CEP170B: variants seen among roughly 807,000 people sequenced by gnomAD.
CEP170B encodes centrosomal protein 170B, also known as centrosomal protein of 170 kDa protein B.
CEP170B carries 55 observed loss-of-function variants against 120.6 expected under a neutral mutation model. That is an observed-to-expected ratio of 0.46 (90% CI 0.37 to 0.57). CEP170B has a LOEUF of 0.57. Ranked by LOEUF, CEP170B falls within the 20% of genes least tolerant of loss-of-function variation. The pLI, the probability that CEP170B is intolerant of heterozygous loss-of-function variation, is 0.00. For synonymous variants in CEP170B, 1,033 were observed against 954.5 expected (o/e 1.08, Z -1.52); for missense variants, 2,212 against 2,253.3 (o/e 0.98, Z 0.37).
In CEP170B at chr14:104,865,715, G is replaced by T. The variant is rs1057445149; in HGVS notation, c.-28+202G>T. Among the ~76,000 whole-genome samples the T allele has an allele frequency of 6.6e-6, 1 of 151,880 alleles. No homozygotes were observed. The highest frequency in any genetic ancestry group is 1.5e-5 in the Non-Finnish European group (1 of 67,914). ...GGTCTGCGCCAGGCCGGGAGGAGCC[G>T]CCCCGTTTCTACGCGGCCTGCGGAG... On this transcript the variant is annotated intron_variant, in intron 1 of 18. Transcript: ENST00000414716. The surrounding 1 kb of genome is among the most constrained non-coding windows in gnomAD (Gnocchi z 6.7).
intron 12 of CEP170B, among the ~76,000 whole-genome samples, chr14:104,888,810 G>C (rs1896647942): frequency 6.6e-6 from 1 of 152,248 alleles, no homozygotes; most frequent in Non-Finnish European, 1.5e-5. Flanking sequence ...GCACTGGGCA[G>C]GCCTTGCGTA....
intron 16 of CEP170B, 184 bp downstream of exon 16, chr14:104,894,033 C>T: frequency 1.5e-6 from 1 of 678,844 alleles, no homozygotes. Context: ...CTCAGAGGAG[C>T]CAGCGCCTCC....
intron 12 of CEP170B, among the ~76,000 whole-genome samples, chr14:104,888,525 C>T (rs1896636012): frequency 6.6e-6 from 1 of 152,244 alleles, no homozygotes; most frequent in Non-Finnish European, 1.5e-5. Flanking sequence ...CCTGCCCTGC[C>T]CCCCAGATGT....
chr14:104,891,771 G>A lies in CEP170B; in HGVS notation c.3879-1205G>A, dbSNP rs539565405. On this transcript the variant is annotated intron_variant, in intron 13 of 18. Coordinates refer to ENST00000414716, the MANE Select transcript of CEP170B (RefSeq NM_001112726.3). This position sits in a 1 kb window ranked among gnomAD's most constrained non-coding sequence, Gnocchi z 4.3. The stretch of plus-strand genomic sequence containing the variant: ...GGTGAGCTGGAGCATGCCATATGAC[G>A]GGGGCAGGAGGCCAGGGAGTGCTGG... 1.4e-4 allele frequency among the ~76,000 whole-genome samples: 21 copies of A among 152,224 alleles called. No homozygotes were observed. The highest frequency in any genetic ancestry group is 3.9e-4 in the East Asian group (2 of 5,170).
In CEP170B at chr14:104,895,111, C is replaced by G. The variant is rs1013232746; in HGVS notation, c.*153C>G. 2.4e-6 allele frequency: 2 copies of G among 828,054 alleles called. No homozygotes were observed. The highest frequency in any genetic ancestry group is 1.7e-5 in the African/African-American group (1 of 57,332). The allele number at this position is 828,054 out of a possible 1,614,324, so 51.3% of individuals were successfully genotyped here. A position where few individuals can be genotyped will look rare whatever the true frequency, so the allele number is the denominator to read the frequency against. ...CGGGTGCCTCCCACGCCCTTGCCCC[C>G]TCGTCAGCTCCCAGCCAGCACCCTA... On this transcript the variant is annotated 3_prime_UTR_variant, in exon 19 of 19. Coordinates refer to ENST00000414716, the MANE Select transcript of CEP170B (RefSeq NM_001112726.3).
chr14:104,885,655 GGGACA>G (rs1896445498), intron 10 of CEP170B, 113 bp downstream of exon 10: 21 of 1,382,008 alleles, frequency 1.5e-5, no homozygotes, highest in South Asian at 2.7e-5. Flanking sequence ...TTTCCTCTGA[GGGACA>G]CGCTCAGAGG....
chr14:104,883,552 G>C lies in CEP170B; in HGVS notation c.1051+44G>C, dbSNP rs748752077. 10 of 1,492,736 alleles carry C rather than the reference G, an allele frequency of 6.7e-6. No individual in the cohort carries two copies. The Admixed American group carries it at 1.9e-4, about 28-fold the overall frequency. 92.5% of individuals were successfully genotyped at this position (1,492,736 alleles called of 1,614,324 possible). ...GCCGTGCCAGTCCCGGGACAGGCAGGGGACCGGACTTTGGCTGGGTCTGCA... is the reference window on the plus strand; with the variant it reads ...GCCGTGCCAGTCCCGGGACAGGCAGCGGACCGGACTTTGGCTGGGTCTGCA... On this transcript the variant is annotated intron_variant, in intron 8 of 18. Transcript: ENST00000414716.
chr14:104,865,122 C>T (rs1478307755), upstream of CEP170B, among the ~76,000 whole-genome samples: 1 of 144,938 alleles, frequency 6.9e-6, no homozygotes, highest in Non-Finnish European at 1.5e-5. The surrounding 1 kb of genome is among the most constrained non-coding windows in gnomAD (Gnocchi z 6.7). Flanking sequence ...GCGGGGCTAC[C>T]GGGGCGGGCT....
chr14:104,875,825 G>A (rs1351763768), intron 2 of CEP170B, among the ~76,000 whole-genome samples: 2 of 152,164 alleles, frequency 1.3e-5, no homozygotes, highest in Admixed American at 6.5e-5. Flanking sequence ...CACTTGGAGT[G>A]GGAGCACCAA....
Position 104,886,602 on chromosome 14 carries a change from C to G in CEP170B, c.2363C>G (p.Ala788Gly). ...AGCAGGGGTCGGCGCTCACCAAGGG[C>G]CCCCGGGGAGCCAACTCCCGCCTCT... ...TWSRGRRSPR[A>G]PGEPTPASFF... The change falls in exon 12 of 19, where the codon GCC becomes GGC. Residue 788 changes from alanine to glycine, a missense_variant. Around this residue, in one of 2 missense-constraint regions of CEP170B, gnomAD observed 2,166 missense variants for 2,166.7 expected, o/e 1.00. Transcript: ENST00000414716. 1 of 1,518,282 alleles carries G rather than the reference C, an allele frequency of 6.6e-7. No individual in the cohort carries two copies. Among genetic ancestry groups the G allele is most frequent in the Non-Finnish European group, 8.8e-7 (1 of 1,136,064 alleles). 94.1% of individuals were successfully genotyped at this position (1,518,282 alleles called of 1,614,324 possible). A position where few individuals can be genotyped will look rare whatever the true frequency, so the allele number is the denominator to read the frequency against.
In CEP170B at chr14:104,883,193, G is replaced by A. The variant is rs753872473; in HGVS notation, c.736G>A (p.Glu246Lys). The A allele has an allele frequency of 5.6e-5, 90 of 1,610,352 alleles. No individual in the cohort carries two copies. The highest frequency in any genetic ancestry group is 7.0e-5 in the Non-Finnish European group (82 of 1,179,238). The change falls in exon 8 of 19, where the codon GAG (glutamate) becomes AAG (lysine). Residue 246 changes from glutamate (E) to lysine (K), a missense_variant. By Grantham distance (56) the Glu-to-Lys change is moderately conservative. Around this residue, in one of 2 missense-constraint regions of CEP170B, gnomAD observed 2,166 missense variants for 2,166.7 expected, o/e 1.00. Transcript: ENST00000414716. ...GCAGCCCCCCGAGGTGCCGGCACAC[G>A]AGATGCCCACGAAGGATGCAGAGGC... ...PSQPPEVPAH[E>K]MPTKDAEAGG...
intron 12 of CEP170B, among the ~76,000 whole-genome samples, chr14:104,889,292 G>A (rs1447288916): frequency 6.6e-6 from 1 of 152,084 alleles, no homozygotes; most frequent in Non-Finnish European, 1.5e-5. Context: ...GGAGCACCAG[G>A]CCGCCTTCCC....
Position 104,883,501 on chromosome 14 carries a change from C to G in CEP170B, c.1044C>G (p.Thr348=). ...GCGACCTGCCTGTCCACACCCGCAC[C>G]CTGAAGGGTGAGTGCCCAGCTGGCG... ...TKSDLPVHTR[T]LKGHKHEDGT... The change falls in exon 8 of 19, where the codon ACC becomes ACG. Residue 348 remains threonine (T), a synonymous_variant. Coordinates refer to ENST00000414716, the MANE Select transcript of CEP170B (RefSeq NM_001112726.3). 1 of 1,540,326 alleles carries G rather than the reference C, an allele frequency of 6.5e-7. No individual in the cohort carries two copies. Among genetic ancestry groups the G allele is most frequent in the Non-Finnish European group, 8.8e-7 (1 of 1,140,210 alleles).
At chr14:104,890,767 GGATGGATGAGTGGGTA>G (rs1373278847) in intron 13 of CEP170B, among the ~76,000 whole-genome samples, 4 of 139,222 alleles carry the variant, frequency 2.9e-5, no homozygotes, top group Non-Finnish European at 4.7e-5. Flanking sequence ...GTGGGTGGAT[GGATGGATGAGTGGGTA>G]GATGGATGGA....
In CEP170B at chr14:104,876,357, A is replaced by T; in HGVS notation, c.195+12A>T. The T allele has an allele frequency of 6.4e-7, 1 of 1,550,468 alleles. No individual in the cohort carries two copies. ...GCAGCCTCAATGGGGTAAGTGTGAG[A>T]GGCCCTGGCCTGGCCTTTTAACAGC... On this transcript the variant is annotated intron_variant, in intron 3 of 18. Transcript: ENST00000414716.
intron 16 of CEP170B, 156 bp downstream of exon 16, chr14:104,894,005 C>A: frequency 1.3e-6 from 1 of 762,424 alleles, no homozygotes. Flanking sequence ...ATGTGGCTCC[C>A]AGCAGGCAGA....
chr14:104,893,120 C>G lies in CEP170B; in HGVS notation c.4023C>G (p.Ile1341Met). The change falls in exon 14 of 19, where the codon ATC (isoleucine) becomes ATG (methionine). Residue 1341 changes from isoleucine (I) to methionine (M), a missense_variant. Around this residue, in one of 2 missense-constraint regions of CEP170B, gnomAD observed 2,166 missense variants for 2,166.7 expected, o/e 1.00. Coordinates refer to ENST00000414716, the MANE Select transcript of CEP170B (RefSeq NM_001112726.3). ...SNMPSTPAST[I>M]SAREELVQRI... Reference sequence around the variant, plus strand: ...TGCCCAGCACCCCCGCCTCGACCATCTCTGCCCGGGAGGAGGTGAGCCCCA... The same window carrying G: ...TGCCCAGCACCCCCGCCTCGACCATGTCTGCCCGGGAGGAGGTGAGCCCCA... 3 of 1,609,384 alleles carry G rather than the reference C, an allele frequency of 1.9e-6. No homozygotes were observed. The highest frequency in any genetic ancestry group is 2.5e-6 in the Non-Finnish European group (3 of 1,179,234).
intron 9 of CEP170B, 41 bp downstream of exon 9, chr14:104,884,590 G>C (rs561033407): frequency 1.8e-5 from 27 of 1,513,174 alleles, no homozygotes; most frequent in Middle Eastern, 4.0e-4. Context: ...TGGGGAACGG[G>C]GGGGTGGAGG....
At position 104,868,527 on chromosome 14, in the gene CEP170B, G is replaced by A. The variant is rs1311957186; in HGVS notation, c.77G>A (p.Gly26Glu). The A allele has an allele frequency of 6.5e-7, 1 of 1,549,832 alleles. No individual in the cohort carries two copies. The change falls in exon 2 of 19, where the codon GGG (glycine) becomes GAG (glutamate). Residue 26 changes from glycine to glutamate, a missense_variant. Around this residue, in one of 2 missense-constraint regions of CEP170B, gnomAD observed 46 missense variants for 86.6 expected, o/e 0.53. Transcript: ENST00000414716. This position sits in a 1 kb window ranked among gnomAD's most constrained non-coding sequence, Gnocchi z 5.9. ...HRLPRELIFV[G>E]REECELMLQS... is the part of the protein sequence containing the mutation. ...CTCCCTCGGGAGCTCATCTTCGTGG[G>A]GCGTGAGGAGTGTGAGCTCATGCTA...
Sources: gnomAD v4.1 joint callset for allele counts (sites outside exome capture counted in the v4.1 genomes callset) on GRCh38, gnomAD v4.1.1 for gene constraint, gnomAD v4.1.1 regional missense constraint, Gnocchi (gnomAD v3.1) non-coding constraint, MANE v1.5 for transcripts, NCBI Gene and HGNC (gene_info 2026-07-23, HGNC 2026-07-21) for gene names.